The following C13orf42 variants were observed in gnomAD, a reference collection of about 807,000 sequenced individuals.
The protein encoded by C13orf42 is chromosome 13 open reading frame 42.
rs1039635217 is a variant in C13orf42, at chr13:51,087,974, G to A, written c.516C>T (p.Pro172=). The stretch of plus-strand genomic sequence containing the variant: ...TTGGCAGGCTGGCCTCAGCAGCCCG[G>A]GGTCGTCTCTCTGTATCCAGCTCTG... ...IIAELDTERR[P]RAAEASLPNE... The change falls in exon 2 of 4, where the codon CCC becomes CCT. Residue 172 remains proline, a synonymous_variant. Transcript: ENST00000563710. 1.3e-5 allele frequency: 5 copies of A among 398,834 alleles called. No homozygotes were observed. In the Admixed American group the frequency reaches 1.8e-4, roughly 14 times the overall value. The allele number at this position is 398,834 out of a possible 1,614,324, so 24.7% of individuals were successfully genotyped here. A position where few individuals can be genotyped will look rare whatever the true frequency, so the allele number is the denominator to read the frequency against.
intron 1 of C13orf42, among the ~76,000 whole-genome samples, chr13:51,152,372 G>A (rs1243505507): frequency 2.0e-5 from 3 of 152,166 alleles, no homozygotes; most frequent in African/African-American, 7.2e-5. Flanking sequence ...TTAAGAGATG[G>A]GGTCTCACTC....
At chr13:51,088,771 TTAAAA>T (rs1266692083) in intron 1 of C13orf42, among the ~76,000 whole-genome samples, 1 of 152,212 alleles carries the variant, frequency 6.6e-6, no homozygotes, top group South Asian at 2.1e-4. Context: ...GTGGAATAAA[TTAAAA>T]TTAGTATGGT....
chr13:51,110,102 A>C (rs906899235), intron 1 of C13orf42, among the ~76,000 whole-genome samples: 1 of 152,188 alleles, frequency 6.6e-6, no homozygotes, highest in Admixed American at 6.5e-5. Context: ...GAGCCACCAC[A>C]TGCCTGGTCT....
intron 1 of C13orf42, among the ~76,000 whole-genome samples, chr13:51,106,996 G>A (rs1953364449): frequency 6.6e-6 from 1 of 152,178 alleles, no homozygotes; most frequent in African/African-American, 2.4e-5. Flanking sequence ...CCTATTCTGA[G>A]GGAGGAGTAC....
intron 1 of C13orf42, among the ~76,000 whole-genome samples, chr13:51,132,548 A>G (rs1426274158): frequency 6.6e-6 from 1 of 152,112 alleles, no homozygotes; most frequent in Admixed American, 6.5e-5. Flanking sequence ...CCCTCAACAT[A>G]CTTATGCTTT....
chr13:51,138,682 C>T (rs1411487508), intron 1 of C13orf42, among the ~76,000 whole-genome samples: 1 of 151,962 alleles, frequency 6.6e-6, no homozygotes, highest in Non-Finnish European at 1.5e-5. Flanking sequence ...TATGGAGATT[C>T]CTCAAAAAAT....
chr13:51,097,787 GA>G (rs1340941992), intron 1 of C13orf42, among the ~76,000 whole-genome samples: 1 of 151,750 alleles, frequency 6.6e-6, no homozygotes, highest in African/African-American at 2.4e-5. Flanking sequence ...TTGGTCTTTG[GA>G]AATGCCAAAT....
intron 1 of C13orf42, among the ~76,000 whole-genome samples, chr13:51,091,027 C>G (rs1953175708): frequency 6.6e-6 from 1 of 152,172 alleles, no homozygotes; most frequent in Admixed American, 6.5e-5. Context: ...AAAATTTCAG[C>G]TTTAGGATTC....
At position 51,084,311 on chromosome 13, in the gene C13orf42, C is replaced by A. The variant is rs886246144; in HGVS notation, c.818G>T (p.Arg273Ile). The A allele has an allele frequency of 2.5e-6, 1 of 398,642 alleles. No homozygotes were observed. Among genetic ancestry groups the A allele is most frequent in the African/African-American group, 2.1e-5 (1 of 48,652 alleles). The allele number at this position is 398,642 out of a possible 1,614,324, so 24.7% of individuals were successfully genotyped here. The change falls in exon 4 of 4, where the codon AGA (arginine) becomes ATA (isoleucine). Residue 273 changes from arginine (R) to isoleucine (I), a missense_variant. By Grantham distance (97) the Arg-to-Ile change is moderately conservative. Transcript: ENST00000563710. ...TCCTGAGAAGTTGAAAAGGATCTGT[C>A]TGGAGCTCCCCAGGCTAGAAGGAAG... ...KACKKDLGSS[R>I]QILFNFSGED...
At chr13:51,134,938 G>A (rs1219939117) in intron 1 of C13orf42, among the ~76,000 whole-genome samples, 3 of 152,210 alleles carry the variant, frequency 2.0e-5, no homozygotes, top group Admixed American at 6.5e-5. Flanking sequence ...AAGATTGAGA[G>A]TCCAAAGGCC....
intron 1 of C13orf42, among the ~76,000 whole-genome samples, chr13:51,147,868 G>A (rs1230483652): frequency 2.0e-5 from 3 of 152,174 alleles, no homozygotes; most frequent in Non-Finnish European, 4.4e-5. Flanking sequence ...CTCCAGCAGG[G>A]AGGAACGGGT....
At chr13:51,132,473 CTTAAA>C (rs1953625257) in intron 1 of C13orf42, among the ~76,000 whole-genome samples, 2 of 151,816 alleles carry the variant, frequency 1.3e-5, no homozygotes, top group South Asian at 2.1e-4. Flanking sequence ...CGAATGTTTT[CTTAAA>C]TTAAACACTT....
chr13:51,082,732 A>T lies in C13orf42; in HGVS notation c.*1419T>A, dbSNP rs1025707717. The T allele has an allele frequency of 3.3e-4, 50 of 152,370 alleles. No individual in the cohort carries two copies. Among genetic ancestry groups the T allele is most frequent in the African/African-American group, 7.5e-4 (31 of 41,584 alleles). 9.4% of individuals were successfully genotyped at this position (152,370 alleles called of 1,614,324 possible). A position where few individuals can be genotyped will look rare whatever the true frequency, so the allele number is the denominator to read the frequency against. On this transcript the variant is annotated 3_prime_UTR_variant, in exon 4 of 4. Transcript: ENST00000563710. ...GTTAGTACAAGCAACAAAATGAAAG[A>T]AACTTTCCAAACATTGACATTGGCA...
chr13:51,085,389 T>C lies in C13orf42; in HGVS notation c.733A>G (p.Ile245Val), dbSNP rs1002368771. The C allele has an allele frequency of 7.5e-6, 3 of 398,384 alleles. No individual in the cohort carries two copies. Among genetic ancestry groups the C allele is most frequent in the African/African-American group, 6.2e-5 (3 of 48,578 alleles). The allele number at this position is 398,384 out of a possible 1,614,324, so 24.7% of individuals were successfully genotyped here. Residue 245 changes from isoleucine (I) to valine (V), a missense_variant, in exon 3 of 4, where the codon ATT becomes GTT. Coordinates refer to ENST00000563710, the MANE Select transcript of C13orf42 (RefSeq NM_001351589.3). Reference protein sequence around the residue: ...GTQRRLERHPIYLPKAVEGAF... With the variant: ...GTQRRLERHPVYLPKAVEGAF... ...CCTTCCACAGCCTTGGGCAAATAAA[T>C]GGGGTGCCTCTCGAGTCTCCTCTGA...
At chr13:51,162,807 A>G (rs1034628537) in intron 1 of C13orf42, among the ~76,000 whole-genome samples, 2 of 152,180 alleles carry the variant, frequency 1.3e-5, no homozygotes, top group African/African-American at 4.8e-5. Context: ...ACAGCACTGC[A>G]GAAGTTCTGA....
At chr13:51,170,406 C>T (rs527328923) in intron 1 of C13orf42, among the ~76,000 whole-genome samples, 3 of 152,156 alleles carry the variant, frequency 2.0e-5, no homozygotes, top group Non-Finnish European at 2.9e-5. Context: ...CATCCACCTA[C>T]GACCTCAGGT....
In C13orf42 at chr13:51,122,532, CAAAAAGAAAAAAAAA is replaced by C. The variant is rs1484774779; in HGVS notation, n.137-9325_137-9311del. On this transcript the variant is annotated intron_variant and non_coding_transcript_variant, in intron 1 of 4. Transcript: ENST00000433280. ...CTGGGCGACAGAGCAAGAACTGTTC[CAAAAAGAAAAAAAAA>C]AAAAAGAAAGAAAAAAAGGAAAAGA... Among the ~76,000 whole-genome samples, 954 of 104,482 alleles carry C rather than the reference CAAAAAGAAAAAAAAA, an allele frequency of 9.1e-3. 12 individuals carry two copies. The highest frequency in any genetic ancestry group is 0.032 in the African/African-American group (893 of 27,566). 68.5% of individuals were successfully genotyped at this position (104,482 alleles called of 152,430 possible).
At chr13:51,170,099 A>G (rs1378272413) in intron 1 of C13orf42, among the ~76,000 whole-genome samples, 1 of 151,974 alleles carries the variant, frequency 6.6e-6, no homozygotes, top group Non-Finnish European at 1.5e-5. Flanking sequence ...AAGCACCCCC[A>G]CTGAGCACCT....
chr13:51,087,674 A>G (rs1452235922), intron 2 of C13orf42, among the ~76,000 whole-genome samples: 2 of 152,236 alleles, frequency 1.3e-5, no homozygotes, highest in African/African-American at 4.8e-5. Flanking sequence ...ACATTGTCCA[A>G]ACATGGCACC....
Sources: allele counts gnomAD v4.1 joint callset (sites outside exome capture counted in the v4.1 genomes callset), GRCh38; gene constraint gnomAD v4.1.1; transcripts MANE v1.5; gene names NCBI Gene and HGNC (gene_info 2026-07-23, HGNC 2026-07-21).